IMMP2L: variants seen among roughly 807,000 people sequenced by gnomAD.
The protein encoded by IMMP2L is mitochondrial inner membrane protease subunit 2.
IMMP2L carries 18 observed loss-of-function variants against 19.3 expected under a neutral mutation model. That is an observed-to-expected ratio of 0.93 (90% CI 0.64 to 1.38). The LOEUF (loss-of-function observed/expected upper bound fraction) is 1.38, where lower values mean the gene tolerates loss of function less well. Among genes scored for constraint, IMMP2L ranks in the 40% most tolerant of loss-of-function variants. The pLI is 0.00. For missense variants in IMMP2L, 233 were observed against 218.2 expected, an observed-to-expected ratio of 1.07 and a Z score of -0.43; for synonymous variants, 76 against 73.0, an observed-to-expected ratio of 1.04 and a Z score of -0.21.
intron 5 of IMMP2L, among the ~76,000 whole-genome samples, chr7:110,822,855 C>T (rs1162469376): frequency 1.3e-5 from 2 of 152,034 alleles, no homozygotes; most frequent in Non-Finnish European, 1.5e-5. Context: ...CTTTCTGCTC[C>T]ATTGGCCACT....
intron 4 of IMMP2L, among the ~76,000 whole-genome samples, chr7:110,889,268 A>T (rs912931923): frequency 1.3e-5 from 2 of 152,122 alleles, no homozygotes; most frequent in African/African-American, 4.8e-5. Flanking sequence ...TTATTATTAC[A>T]TTGTAATATA....
intron 3 of IMMP2L, among the ~76,000 whole-genome samples, chr7:111,480,522 G>A (rs1467051834): frequency 3.5e-5 from 5 of 144,764 alleles, no homozygotes; most frequent in Non-Finnish European, 7.4e-5. Flanking sequence ...AGTAATGACT[G>A]CAAATTACTA....
At chr7:110,839,134 A>G (rs541434121) in intron 5 of IMMP2L, among the ~76,000 whole-genome samples, 2 of 152,272 alleles carry the variant, frequency 1.3e-5, no homozygotes, top group South Asian at 2.1e-4. Context: ...AGACTTAAGA[A>G]AAAATTAGAC....
chr7:111,511,025 C>A (rs1845390862), intron 2 of IMMP2L, among the ~76,000 whole-genome samples: 1 of 152,080 alleles, frequency 6.6e-6, no homozygotes, highest in Non-Finnish European at 1.5e-5. Context: ...TTTTCATGGG[C>A]CAGGCCTAAA....
At chr7:111,360,441 C>G (rs150117446) in intron 3 of IMMP2L, among the ~76,000 whole-genome samples, 27 of 152,260 alleles carry the variant, frequency 1.8e-4, no homozygotes, top group Non-Finnish European at 1.6e-4. Context: ...AATCAAATAA[C>G]ATTACACAAC....
intron 3 of IMMP2L, among the ~76,000 whole-genome samples, chr7:111,092,853 T>C (rs1057320182): frequency 1.4e-4 from 22 of 152,218 alleles, no homozygotes; most frequent in African/African-American, 4.6e-4. Context: ...TTTCATCTTC[T>C]GGAGCTCTCT....
At chr7:111,195,657 C>T (rs1361584920) in intron 3 of IMMP2L, among the ~76,000 whole-genome samples, 2 of 46,608 alleles carry the variant, frequency 4.3e-5, no homozygotes, top group Admixed American at 4.5e-4. Flanking sequence ...TATGTGAGCT[C>T]ATTTATTTCC....
intron 3 of IMMP2L, among the ~76,000 whole-genome samples, chr7:111,126,403 A>C (rs1055720110): frequency 9.8e-5 from 15 of 152,306 alleles, no homozygotes; most frequent in African/African-American, 3.6e-4. Flanking sequence ...ACTCCAATAT[A>C]AAAATGACAC....
chr7:111,040,454 T>C (rs1287118745), intron 3 of IMMP2L, among the ~76,000 whole-genome samples: 2 of 152,012 alleles, frequency 1.3e-5, no homozygotes, highest in Non-Finnish European at 2.9e-5. Context: ...TGTTCTACCC[T>C]GAGTTTAATA....
chr7:110,839,485 T>C (rs1804839486), intron 5 of IMMP2L, among the ~76,000 whole-genome samples: 1 of 152,056 alleles, frequency 6.6e-6, no homozygotes, highest in South Asian at 2.1e-4. Flanking sequence ...GAATGTTGAG[T>C]ATGTAGTCCT....
chr7:111,033,212 C>G (rs1273402908), intron 3 of IMMP2L, among the ~76,000 whole-genome samples: 1 of 152,100 alleles, frequency 6.6e-6, no homozygotes, highest in African/African-American at 2.4e-5. Context: ...ATACATATGA[C>G]AAGTATATGA....
intron 5 of IMMP2L, among the ~76,000 whole-genome samples, chr7:110,833,769 T>C (rs1448738004): frequency 6.6e-6 from 1 of 152,198 alleles, no homozygotes; most frequent in Non-Finnish European, 1.5e-5. Flanking sequence ...TCTAAGTGCA[T>C]CTCAGCCCTT....
intron 3 of IMMP2L, among the ~76,000 whole-genome samples, chr7:111,113,165 T>G (rs1373046037): frequency 6.6e-6 from 1 of 152,190 alleles, no homozygotes; most frequent in African/African-American, 2.4e-5. Flanking sequence ...AAAATGTTCT[T>G]CATTCTCTAT....
Position 110,757,579 on chromosome 7 carries a change from G to C in IMMP2L, c.409-93858C>G, listed in dbSNP as rs933351298. Among the ~76,000 whole-genome samples, 1 of 151,944 alleles carries C rather than the reference G, an allele frequency of 6.6e-6. No individual in the cohort carries two copies. The highest frequency in any genetic ancestry group is 2.4e-5 in the African/African-American group (1 of 41,368). On this transcript the variant is annotated intron_variant, in intron 5 of 5. Coordinates refer to ENST00000405709, the MANE Select transcript of IMMP2L (RefSeq NM_032549.4). This position sits in a 1 kb window ranked among gnomAD's most constrained non-coding sequence, Gnocchi z 4.2. ...TGAGGATCCCCAGTTGAAGTTCAAA[G>C]GTCACTGCTTTTCTCAAGGGAGGCC...
At chr7:110,835,635 A>G (rs1016315445) in intron 5 of IMMP2L, among the ~76,000 whole-genome samples, 5 of 135,808 alleles carry the variant, frequency 3.7e-5, no homozygotes, top group Non-Finnish European at 7.9e-5. Flanking sequence ...GTGTTGTGTT[A>G]AACTCAGTAG....
intron 5 of IMMP2L, among the ~76,000 whole-genome samples, chr7:110,672,560 C>T (rs1332416808): frequency 6.6e-6 from 1 of 152,174 alleles, no homozygotes; most frequent in Non-Finnish European, 1.5e-5. Context: ...TGAGACAAGG[C>T]AAGTCCCTTC....
At chr7:111,141,791 G>C (rs1490510535) in intron 3 of IMMP2L, among the ~76,000 whole-genome samples, 1 of 152,092 alleles carries the variant, frequency 6.6e-6, no homozygotes, top group African/African-American at 2.4e-5. Flanking sequence ...GTCTCAAAAT[G>C]CTGGGCTAAA....
intron 3 of IMMP2L, among the ~76,000 whole-genome samples, chr7:111,387,844 C>T (rs998631566): frequency 2.0e-5 from 3 of 151,350 alleles, no homozygotes; most frequent in African/African-American, 2.4e-5. Context: ...GGCATGGTGG[C>T]GCGTGCCTGC....
At chr7:111,067,407 A>G (rs1330392100) in intron 3 of IMMP2L, among the ~76,000 whole-genome samples, 1 of 152,190 alleles carries the variant, frequency 6.6e-6, no homozygotes, top group Non-Finnish European at 1.5e-5. Flanking sequence ...GGTGGGACCA[A>G]TGCGGAGCCC....
Sources: allele counts gnomAD v4.1 joint callset (sites outside exome capture counted in the v4.1 genomes callset), GRCh38; gene constraint gnomAD v4.1.1; non-coding constraint Gnocchi (gnomAD v3.1); transcripts MANE v1.5; gene names NCBI Gene and HGNC (gene_info 2026-07-23, HGNC 2026-07-21).